Variants in GATAD2B observed in about 807,000 individuals in gnomAD.
The protein encoded by GATAD2B is transcriptional repressor p66-beta.
Under a neutral mutation model 64.3 loss-of-function variants are expected in GATAD2B, and 8 were observed. That is an observed-to-expected ratio of 0.12 (90% CI 0.07 to 0.22). The LOEUF is 0.22. GATAD2B is among the 10% of genes least tolerant of loss of function. The pLI is 1.00. For missense variants in GATAD2B, 453 were observed against 752.0 expected, an observed-to-expected ratio of 0.60 and a Z score of 4.65; for synonymous variants, 281 against 271.3, an observed-to-expected ratio of 1.04 and a Z score of -0.35.
chr1:153,811,964 GTGATAAATGGC>G, intron 9 of GATAD2B, 47 bp downstream of exon 9: 1 of 1,311,782 alleles, frequency 7.6e-7, no homozygotes, highest in Non-Finnish European at 1.1e-6. Context: ...AGGACAAATT[GTGATAAATGGC>G]TGATAAATCT....
intron 1 of GATAD2B, among the ~76,000 whole-genome samples, chr1:153,861,346 G>A (rs1293959354): frequency 6.6e-6 from 1 of 151,892 alleles, no homozygotes; most frequent in East Asian, 1.9e-4. Context: ...AAGGCCAGGA[G>A]TTCAAGACCA....
At chr1:153,857,401 G>A (rs547302899) in intron 1 of GATAD2B, among the ~76,000 whole-genome samples, 37 of 152,098 alleles carry the variant, frequency 2.4e-4, no homozygotes, top group South Asian at 1.0e-3. Flanking sequence ...AGCCAAGATC[G>A]CGCCACTGCA....
chr1:153,896,087 T>C (rs1208407434), intron 1 of GATAD2B, among the ~76,000 whole-genome samples: 1 of 150,894 alleles, frequency 6.6e-6, no homozygotes, highest in African/African-American at 2.4e-5. Flanking sequence ...TTGAGCCCAG[T>C]AGTTCTAGGC....
At chr1:153,862,558 C>A (rs913586842) in intron 1 of GATAD2B, among the ~76,000 whole-genome samples, 5 of 152,036 alleles carry the variant, frequency 3.3e-5, no homozygotes, top group African/African-American at 1.2e-4. Context: ...TCCAGCTTGC[C>A]AGTTTCCACA....
At chr1:153,857,700 G>A (rs1676138014) in intron 1 of GATAD2B, among the ~76,000 whole-genome samples, 1 of 152,110 alleles carries the variant, frequency 6.6e-6, no homozygotes, top group African/African-American at 2.4e-5. Flanking sequence ...TAATCAAGAA[G>A]CGCTGAAATC....
chr1:153,844,276 T>C (rs72694231), intron 1 of GATAD2B, among the ~76,000 whole-genome samples: 40,519 of 151,854 alleles, frequency 0.27, 6,030 homozygotes, highest in Admixed American at 0.38. Context: ...GGGCCAGGAA[T>C]AGTGCCTGTT....
chr1:153,846,994 T>C (rs926983848), intron 1 of GATAD2B, among the ~76,000 whole-genome samples: 6 of 152,202 alleles, frequency 3.9e-5, no homozygotes, highest in African/African-American at 7.2e-5. Flanking sequence ...TGACGGAGTA[T>C]TGCTCTGTCA....
chr1:153,833,978 C>CTTTTTTTTTTATGT (rs145273439), intron 1 of GATAD2B, among the ~76,000 whole-genome samples: 1 of 149,862 alleles, frequency 6.7e-6, no homozygotes, highest in South Asian at 2.1e-4. Context: ...GTCTCTCTCT[C>CTTTTTTTTTTATGT]TTTTTTTTTA....
At chr1:153,885,966 T>C (rs1392082429) in intron 1 of GATAD2B, among the ~76,000 whole-genome samples, 2 of 150,950 alleles carry the variant, frequency 1.3e-5, no homozygotes, top group African/African-American at 4.9e-5. Flanking sequence ...TCACAAAGAA[T>C]AGCATAAGAA....
intron 7 of GATAD2B, among the ~76,000 whole-genome samples, chr1:153,815,303 AAAAAG>A (rs1216683010): frequency 1.3e-5 from 2 of 148,812 alleles, no homozygotes; most frequent in Non-Finnish European, 3.0e-5. Flanking sequence ...CAAAAAAAAA[AAAAAG>A]AAAAGAGAAG....
At chr1:153,852,756 C>A (rs552393741) in intron 1 of GATAD2B, 2 of 923,742 alleles carry the variant, frequency 2.2e-6, no homozygotes, top group Non-Finnish European at 3.6e-6. Flanking sequence ...GCTTGGTAGA[C>A]AGGGATCCCA....
At chr1:153,872,114 T>G (rs1676687665) in intron 1 of GATAD2B, among the ~76,000 whole-genome samples, 1 of 151,840 alleles carries the variant, frequency 6.6e-6, no homozygotes. Context: ...GGCCAAGAGT[T>G]CGAGACCAGC....
Position 153,820,859 on chromosome 1 carries a change from T to A in GATAD2B, c.336-1124A>T, listed in dbSNP as rs367928645. Among the ~76,000 whole-genome samples, 50 of 151,778 alleles carry A rather than the reference T, an allele frequency of 3.3e-4. 1 individual carries two copies. The East Asian group carries it at 9.5e-3, about 29-fold the overall frequency. On this transcript the variant is annotated intron_variant, in intron 2 of 10. Transcript: ENST00000368655. ...TGCCCAAGCTGGTCTTAAGCGACCC[T>A]CCCGCCTTGGCCTCCCCTTTGGCCT... is the stretch of plus-strand genomic sequence containing the variant.
At chr1:153,857,112 T>C (rs1303360697) in intron 1 of GATAD2B, among the ~76,000 whole-genome samples, 1 of 148,984 alleles carries the variant, frequency 6.7e-6, no homozygotes, top group African/African-American at 2.4e-5. Context: ...TTATAAAGCA[T>C]AACTTAAATA....
At position 153,812,371 on chromosome 1, in the gene GATAD2B, C is replaced by T. The variant is rs573106289; in HGVS notation, c.1420-239G>A. 7.6e-5 allele frequency: 34 copies of T among 449,642 alleles called. No homozygotes were observed. The South Asian group carries it at 1.7e-3, about 23-fold the overall frequency. The allele number at this position is 449,642 out of a possible 1,614,324, so 27.9% of individuals were successfully genotyped here. On this transcript the variant is annotated intron_variant, in intron 8 of 10. Coordinates refer to ENST00000368655, the MANE Select transcript of GATAD2B (RefSeq NM_020699.4). ...CCAGAAAACCTGGAGGTGTTCTTACCTCTAATGTTGTTGGCTAGTTGGTGG... is the reference window on the plus strand; with the variant it reads ...CCAGAAAACCTGGAGGTGTTCTTACTTCTAATGTTGTTGGCTAGTTGGTGG...
intron 10 of GATAD2B, 61 bp from the exon 11 acceptor site, chr1:153,810,371 A>G: frequency 6.5e-7 from 1 of 1,544,792 alleles, no homozygotes; most frequent in Non-Finnish European, 8.9e-7. Context: ...ATTCCCTTCC[A>G]CTCTACCCTC....
At chr1:153,885,011 C>A (rs975968562) in intron 1 of GATAD2B, among the ~76,000 whole-genome samples, 6 of 152,106 alleles carry the variant, frequency 3.9e-5, no homozygotes, top group Admixed American at 3.3e-4. Context: ...CCCGCTTCGG[C>A]CTCCCAAAGT....
At chr1:153,831,342 A>G (rs1308243039) in intron 1 of GATAD2B, among the ~76,000 whole-genome samples, 1 of 152,172 alleles carries the variant, frequency 6.6e-6, no homozygotes, top group African/African-American at 2.4e-5. Context: ...GTTGGGGGGT[A>G]GGAGGCAAAA....
chr1:153,832,539 A>G (rs1675114975), intron 1 of GATAD2B, among the ~76,000 whole-genome samples: 2 of 152,272 alleles, frequency 1.3e-5, no homozygotes, highest in Admixed American at 6.5e-5. Context: ...TACAAGGTAC[A>G]GCAGTAGCCA....
Sources: gnomAD v4.1 joint callset for allele counts (sites outside exome capture counted in the v4.1 genomes callset) on GRCh38, gnomAD v4.1.1 for gene constraint, MANE v1.5 for transcripts, NCBI Gene and HGNC (gene_info 2026-07-23, HGNC 2026-07-21) for gene names.